Variants in FKBP5 observed in about 807,000 individuals in gnomAD.
FKBP5 encodes the protein FKBP prolyl isomerase 5.
Under a neutral mutation model 50.5 loss-of-function variants are expected in FKBP5, and 23 were observed. That is an observed-to-expected ratio of 0.46 (90% CI 0.33 to 0.65). The LOEUF is 0.65. FKBP5 is among the 30% of genes least tolerant of loss of function. The pLI is 0.02. For missense variants in FKBP5, 411 were observed against 553.1 expected (o/e 0.74, Z 2.58); for synonymous variants, 176 against 190.6 (o/e 0.92, Z 0.63).
intron 2 of FKBP5, among the ~76,000 whole-genome samples, chr6:35,638,322 C>CT (rs1469419368): frequency 6.6e-6 from 1 of 152,106 alleles, no homozygotes; most frequent in African/African-American, 2.4e-5. Flanking sequence ...CTCCTAAATT[C>CT]TTTTTTTACA....
chr6:35,584,005 C>A lies in FKBP5; in HGVS notation c.840+3029G>T, dbSNP rs1023317490. 138 of 985,328 alleles carry A rather than the reference C, an allele frequency of 1.4e-4. No homozygotes were observed. In the African/African-American group the frequency reaches 2.4e-3, roughly 17 times the overall value. The allele number at this position is 985,328 out of a possible 1,614,324, so 61.0% of individuals were successfully genotyped here. A position where few individuals can be genotyped will look rare whatever the true frequency, so the allele number is the denominator to read the frequency against. On this transcript the variant is annotated intron_variant, in intron 8 of 10. Transcript: ENST00000357266. ...TTCCCAGGAGAAGCACAAGGGGGCG[C>A]AAGAATCCCACATCACTTCAGTGTT...
intron 2 of FKBP5, among the ~76,000 whole-genome samples, chr6:35,709,095 G>T (rs934573553): frequency 6.6e-5 from 10 of 152,166 alleles, no homozygotes; most frequent in Non-Finnish European, 1.5e-4. Context: ...AGTTACTAAA[G>T]AAAGAAGTTT....
At chr6:35,641,781 G>A (rs1396486752) in intron 2 of FKBP5, among the ~76,000 whole-genome samples, 1 of 152,060 alleles carries the variant, frequency 6.6e-6, no homozygotes, top group East Asian at 1.9e-4. Flanking sequence ...AAGGCAGGCG[G>A]ATCACCTGAG....
At chr6:35,620,563 TAAAAAA>T (rs564725729) in intron 3 of FKBP5, among the ~76,000 whole-genome samples, 1 of 122,648 alleles carries the variant, frequency 8.2e-6, no homozygotes, top group Admixed American at 8.4e-5. Flanking sequence ...ACCTCATCTC[TAAAAAA>T]AAAAAAAAAA....
intron 5 of FKBP5, among the ~76,000 whole-genome samples, chr6:35,604,872 C>A (rs111311633): frequency 0.072 from 10,843 of 151,116 alleles, 763 homozygotes; most frequent in African/African-American, 0.19. Flanking sequence ...CTCACTACAA[C>A]CTCCACCTCC....
rs551571973 is a variant in FKBP5 at position 35,721,076 on chromosome 6, G to A, written c.-240-528C>T. Among the ~76,000 whole-genome samples, 49 of 152,332 alleles carry A rather than the reference G, an allele frequency of 3.2e-4. 1 individual carries two copies. The highest frequency in any genetic ancestry group is 1.1e-3 in the African/African-American group (47 of 41,580). ...AAGACAATAAGAATTTTAGGGCCGGGCACGGTGGCTCACACCTGTAATCCC... is the reference window on the plus strand; with the variant it reads ...AAGACAATAAGAATTTTAGGGCCGGACACGGTGGCTCACACCTGTAATCCC... On this transcript the variant is annotated intron_variant, in intron 1 of 11. Transcript: ENST00000536438.
intron 1 of FKBP5, among the ~76,000 whole-genome samples, chr6:35,676,370 G>A (rs1765522449): frequency 6.6e-6 from 1 of 152,084 alleles, no homozygotes; most frequent in Non-Finnish European, 1.5e-5. Flanking sequence ...TTTTTTTCCT[G>A]AGAAACCACT....
intron 5 of FKBP5, among the ~76,000 whole-genome samples, chr6:35,610,055 T>C (rs1416266064): frequency 6.6e-6 from 1 of 152,178 alleles, no homozygotes; most frequent in Non-Finnish European, 1.5e-5. Flanking sequence ...GCACCATTTT[T>C]CTAAGCAGTT....
rs1266349665 is a variant in FKBP5, at chr6:35,574,703, C to G, written c.*1132G>C. On this transcript the variant is annotated 3_prime_UTR_variant, in exon 11 of 11. Transcript: ENST00000357266. ...AGCAACTATTTATTTGTCAACCCTACAGATTTTGTTTTTAAAAATTAAGCT... is the reference window on the plus strand; with the variant it reads ...AGCAACTATTTATTTGTCAACCCTAGAGATTTTGTTTTTAAAAATTAAGCT... 5.2e-5 allele frequency: 8 copies of G among 152,548 alleles called. No individual in the cohort carries two copies. In the South Asian group the frequency reaches 1.2e-3, roughly 24 times the overall value. The allele number at this position is 152,548 out of a possible 1,614,324, so 9.4% of individuals were successfully genotyped here. A position where few individuals can be genotyped will look rare whatever the true frequency, so the allele number is the denominator to read the frequency against.
At chr6:35,584,654 G>A in intron 8 of FKBP5, 1 of 985,306 alleles carries the variant, frequency 1.0e-6, no homozygotes, top group East Asian at 1.1e-4. Flanking sequence ...TAATTATAAA[G>A]GTGCCTCCAG....
Position 35,675,067 on chromosome 6 carries a change from T to A in FKBP5, c.-20+13737A>T, listed in dbSNP as rs75769460. Among the ~76,000 whole-genome samples, 655 of 152,394 alleles carry A rather than the reference T, an allele frequency of 4.3e-3. 8 individuals carry two copies. Among genetic ancestry groups the A allele is most frequent in the African/African-American group, 0.015 (630 of 41,598 alleles). ...TATTTAATATTTAGTGAAGACATAC[T>A]AGGCGCTGAGCTAAGTGCTTTACAT... is the stretch of plus-strand genomic sequence containing the variant. On this transcript the variant is annotated intron_variant, in intron 1 of 10. Coordinates refer to ENST00000357266, the MANE Select transcript of FKBP5 (RefSeq NM_004117.4).
intron 8 of FKBP5, chr6:35,584,254 C>G: frequency 1.0e-6 from 1 of 985,390 alleles, no homozygotes; most frequent in Non-Finnish European, 1.2e-6. Flanking sequence ...CTTTAGTATT[C>G]AGAGGTTGAA....
chr6:35,593,967 T>C (rs1342335802), intron 6 of FKBP5, among the ~76,000 whole-genome samples: 1 of 152,150 alleles, frequency 6.6e-6, no homozygotes, highest in African/African-American at 2.4e-5. Context: ...TTTATTAGTC[T>C]CAGTATTTAA....
intron 3 of FKBP5, among the ~76,000 whole-genome samples, chr6:35,635,218 C>T (rs112754019): frequency 0.038 from 5,826 of 152,062 alleles, 204 homozygotes; most frequent in African/African-American, 0.1. Flanking sequence ...GCCTGTAGTC[C>T]CAGCTACTTG....
In FKBP5 at chr6:35,587,230, T is replaced by C. The variant is rs752622070; in HGVS notation, c.757-113A>G. ...AAGATACTCCAAACTGAAAACACTC[T>C]GGCTGTTGAAATTGTGTGTCAGTGC... On this transcript the variant is annotated intron_variant, in intron 7 of 10. Transcript: ENST00000357266. 41 of 953,256 alleles carry C rather than the reference T, an allele frequency of 4.3e-5. No homozygotes were observed. In the Middle Eastern group the frequency reaches 8.7e-4, roughly 20 times the overall value. 59.0% of individuals were successfully genotyped at this position (953,256 alleles called of 1,614,324 possible). A position where few individuals can be genotyped will look rare whatever the true frequency, so the allele number is the denominator to read the frequency against.
intron 3 of FKBP5, among the ~76,000 whole-genome samples, chr6:35,630,721 C>A (rs1326330534): frequency 1.3e-5 from 2 of 152,140 alleles, no homozygotes; most frequent in Non-Finnish European, 2.9e-5. Flanking sequence ...TAGCCTTGGG[C>A]AATTTACCGA....
chr6:35,611,941 T>C (rs1228267940), intron 5 of FKBP5, among the ~76,000 whole-genome samples: 2 of 152,220 alleles, frequency 1.3e-5, no homozygotes, highest in Non-Finnish European at 2.9e-5. Context: ...AATGTTATTC[T>C]TTCCCCGGAA....
intron 6 of FKBP5, among the ~76,000 whole-genome samples, chr6:35,594,925 CTCA>C (rs2150962946): frequency 6.6e-6 from 1 of 152,310 alleles, no homozygotes; most frequent in Admixed American, 6.5e-5. Context: ...AAAGATTGAT[CTCA>C]TGTTAAACAG....
At chr6:35,590,768 C>G (rs1453842986) in intron 7 of FKBP5, among the ~76,000 whole-genome samples, 1 of 151,914 alleles carries the variant, frequency 6.6e-6, no homozygotes, top group East Asian at 1.9e-4. Flanking sequence ...CCCCACTCCC[C>G]CAAGGAGCCA....
Sources: gnomAD v4.1 joint callset for allele counts (sites outside exome capture counted in the v4.1 genomes callset) on GRCh38, gnomAD v4.1.1 for gene constraint, MANE v1.5 for transcripts, NCBI Gene and HGNC (gene_info 2026-07-23, HGNC 2026-07-21) for gene names.